The following CDH4 variants were observed in gnomAD, a reference collection of about 807,000 sequenced individuals.
CDH4 encodes cadherin-4.
In CDH4, 33 loss-of-function variants were observed where a neutral mutation model predicts 86.0. The ratio of observed to expected loss-of-function variants is 0.38; its 90% CI spans 0.29 to 0.51. CDH4 has a LOEUF of 0.51. Ranked by LOEUF, CDH4 falls within the 20% of genes least tolerant of loss-of-function variation. The pLI is 0.86. For missense variants in CDH4, 1,114 were observed against 1,307.4 expected, an observed-to-expected ratio of 0.85 and a Z score of 2.28; for synonymous variants, 555 against 549.4, an observed-to-expected ratio of 1.01 and a Z score of -0.14.
intron 2 of CDH4, among the ~76,000 whole-genome samples, chr20:61,270,206 T>G (rs186383528): frequency 6.6e-6 from 1 of 152,352 alleles, no homozygotes; most frequent in East Asian, 1.9e-4. Context: ...GCTATCGTTA[T>G]TTATTAATCA....
intron 4 of CDH4, among the ~76,000 whole-genome samples, chr20:61,809,690 C>T: frequency 6.6e-6 from 1 of 152,136 alleles, no homozygotes; most frequent in Non-Finnish European, 1.5e-5. Flanking sequence ...AGTTTTAATG[C>T]CAGGAGGGGT....
At chr20:61,895,954 A>C (rs1199912842) in intron 8 of CDH4, among the ~76,000 whole-genome samples, 1 of 152,158 alleles carries the variant, frequency 6.6e-6, no homozygotes, top group African/African-American at 2.4e-5. Flanking sequence ...GGACGTGCAG[A>C]GGGGAGAGTC....
chr20:61,609,248 C>T (rs935618458), intron 2 of CDH4, among the ~76,000 whole-genome samples: 2 of 152,182 alleles, frequency 1.3e-5, no homozygotes, highest in Admixed American at 6.5e-5. Context: ...ATCACTGGTG[C>T]GTGCTGATGT....
At chr20:61,874,434 C>A (rs1983933275) in intron 7 of CDH4, among the ~76,000 whole-genome samples, 1 of 152,220 alleles carries the variant, frequency 6.6e-6, no homozygotes, top group African/African-American at 2.4e-5. Context: ...TGCGCTCCCA[C>A]CTCCTGCACT....
Position 61,314,510 on chromosome 20 carries a change from G to T in CDH4, c.169+59573G>T, listed in dbSNP as rs2427070. ...TGTGTAGACCACAATTCATTTGTCTGTTCGCCCACCAGTGGACACTGAGGT... is the reference window on the plus strand; with the variant it reads ...TGTGTAGACCACAATTCATTTGTCTTTTCGCCCACCAGTGGACACTGAGGT... On this transcript the variant is annotated intron_variant, in intron 2 of 15. Coordinates refer to ENST00000614565, the MANE Select transcript of CDH4 (RefSeq NM_001794.5). Among the ~76,000 whole-genome samples the T allele has an allele frequency of 2.0e-5, 3 of 152,184 alleles. No homozygotes were observed. In the East Asian group the frequency reaches 5.8e-4, roughly 29 times the overall value.
At chr20:61,777,838 G>T (rs1447228760) in intron 4 of CDH4, among the ~76,000 whole-genome samples, 1 of 147,858 alleles carries the variant, frequency 6.8e-6, no homozygotes, top group African/African-American at 2.5e-5. Context: ...GCACGCACTT[G>T]CATACAAAAA....
intron 6 of CDH4, among the ~76,000 whole-genome samples, chr20:61,864,901 C>T (rs1014495935): frequency 1.3e-5 from 2 of 152,198 alleles, no homozygotes; most frequent in South Asian, 2.1e-4. Context: ...CACGGGGCCA[C>T]TCTCCTGCCC....
intron 2 of CDH4, among the ~76,000 whole-genome samples, chr20:61,742,854 G>A (rs1270576445): frequency 6.6e-5 from 10 of 152,208 alleles, no homozygotes; most frequent in Admixed American, 6.5e-5. Flanking sequence ...TGGAAGCGAA[G>A]CAATGCTCAG....
chr20:61,369,123 C>G (rs2084825975), intron 2 of CDH4, among the ~76,000 whole-genome samples: 1 of 152,084 alleles, frequency 6.6e-6, no homozygotes, highest in African/African-American at 2.4e-5. Context: ...GTCAAAACAG[C>G]AGTTGAACCC....
chr20:61,926,699 C>A (rs140777568), intron 11 of CDH4, among the ~76,000 whole-genome samples: 2 of 152,078 alleles, frequency 1.3e-5, no homozygotes, highest in African/African-American at 4.8e-5. Flanking sequence ...GGTGAAACCC[C>A]GTCTTTACTA....
At chr20:61,883,670 C>G (rs1027253883) in intron 7 of CDH4, among the ~76,000 whole-genome samples, 1 of 152,194 alleles carries the variant, frequency 6.6e-6, no homozygotes, top group East Asian at 1.9e-4. Flanking sequence ...GACTGCCCGG[C>G]CCCTGGAGAG....
intron 2 of CDH4, among the ~76,000 whole-genome samples, chr20:61,636,688 C>T (rs887476621): frequency 7.2e-5 from 11 of 152,228 alleles, no homozygotes; most frequent in African/African-American, 2.7e-4. Context: ...ACCTGCTCTT[C>T]TCCCAGCGCC....
intron 2 of CDH4, among the ~76,000 whole-genome samples, chr20:61,605,235 C>T (rs182277278): frequency 1.3e-5 from 2 of 152,246 alleles, no homozygotes; most frequent in African/African-American, 4.8e-5. Context: ...TGAATGCCCT[C>T]GGGGTGCAGG....
intron 2 of CDH4, among the ~76,000 whole-genome samples, chr20:61,400,778 C>G (rs1462931838): frequency 1.3e-5 from 2 of 152,212 alleles, no homozygotes; most frequent in East Asian, 3.9e-4. Flanking sequence ...CGGGGCCGGC[C>G]TGGCCCCACC....
At chr20:61,512,134 T>C (rs2085784613) in intron 2 of CDH4, among the ~76,000 whole-genome samples, 1 of 152,136 alleles carries the variant, frequency 6.6e-6, no homozygotes, top group Non-Finnish European at 1.5e-5. Flanking sequence ...AGTAGTAAAC[T>C]GGGGCGAGGC....
intron 15 of CDH4, among the ~76,000 whole-genome samples, chr20:61,934,717 G>GCCCCCCCC (rs200122965): frequency 4.0e-5 from 6 of 148,672 alleles, no homozygotes; most frequent in African/African-American, 1.3e-4. Context: ...AGGCCAACTT[G>GCCCCCCCC]CCCCCCCTCC....
At chr20:61,296,285 GT>G (rs2084353497) in intron 2 of CDH4, among the ~76,000 whole-genome samples, 1 of 114,552 alleles carries the variant, frequency 8.7e-6, no homozygotes, top group Non-Finnish European at 2.0e-5. Flanking sequence ...GCGTGGGTGC[GT>G]GTGTGTGTGT....
rs146814429 is a variant in CDH4, at chr20:61,752,781, G to A, written c.396+8992G>A. On this transcript the variant is annotated intron_variant, in intron 3 of 15. Coordinates refer to ENST00000614565, the MANE Select transcript of CDH4 (RefSeq NM_001794.5). ...AGAGCAGGCAGGTGCCTGGCAGCAG[G>A]AACACGTGTCAGCCGAGTGACCGCA... 3.6e-3 allele frequency among the ~76,000 whole-genome samples: 544 copies of A among 152,286 alleles called. 7 individuals are homozygous for A. The highest frequency in any genetic ancestry group is 0.012 in the African/African-American group (511 of 41,540).
chr20:61,761,438 C>T (rs1400070601), intron 3 of CDH4, among the ~76,000 whole-genome samples: 4 of 152,202 alleles, frequency 2.6e-5, no homozygotes, highest in Admixed American at 2.0e-4. Flanking sequence ...ATTTCCACGG[C>T]AGACTCCTAT....
Sources: gnomAD v4.1 joint callset for allele counts (sites outside exome capture counted in the v4.1 genomes callset) on GRCh38, gnomAD v4.1.1 for gene constraint, MANE v1.5 for transcripts, NCBI Gene and HGNC (gene_info 2026-07-23, HGNC 2026-07-21) for gene names.